LHFPL3: variants seen among roughly 807,000 people sequenced by gnomAD.
LHFPL3 encodes LHFPL tetraspan subfamily member 3, also known as LHFPL tetraspan subfamily member 3 protein.
In LHFPL3, 5 loss-of-function variants were observed where a neutral mutation model predicts 19.3. That is an observed-to-expected ratio of 0.26 (90% CI 0.14 to 0.54). The LOEUF (loss-of-function observed/expected upper bound fraction) is 0.54. Ranked by LOEUF, LHFPL3 falls within the 20% of genes least tolerant of loss-of-function variation. The probability of loss-of-function intolerance (pLI) is 0.94; values close to 1 mark genes in which losing one functional copy is unlikely to be tolerated. For synonymous variants in LHFPL3, 133 were observed against 126.2 expected (o/e 1.05, Z -0.36); for missense variants, 249 against 307.4 (o/e 0.81, Z 1.42).
intron 1 of LHFPL3, among the ~76,000 whole-genome samples, chr7:104,444,763 C>A (rs1340994149): frequency 2.6e-5 from 4 of 152,008 alleles, no homozygotes; most frequent in Admixed American, 6.6e-5. Context: ...CCGAGGCAGG[C>A]AGATCACCTG....
At chr7:104,815,326 A>AT (rs1292645105) in intron 2 of LHFPL3, among the ~76,000 whole-genome samples, 2 of 152,056 alleles carry the variant, frequency 1.3e-5, no homozygotes, top group Admixed American at 6.5e-5. Context: ...GTGAATAGTG[A>AT]TTACCCCCAG....
intron 2 of LHFPL3, among the ~76,000 whole-genome samples, chr7:104,898,776 T>C (rs879884841): frequency 2.6e-5 from 4 of 152,038 alleles, no homozygotes; most frequent in Admixed American, 6.5e-5. Flanking sequence ...GCTGTCATCT[T>C]GACACTACAC....
chr7:104,771,816 CTTTTTTTTTTTTTTT>C (rs71155523), intron 2 of LHFPL3, among the ~76,000 whole-genome samples: 1 of 75,412 alleles, frequency 1.3e-5, no homozygotes, highest in Non-Finnish European at 2.4e-5. Context: ...TTTTGCCTCT[CTTTTTTTTTTTTTTT>C]TTTTTTTTTT....
At chr7:104,367,692 T>A (rs1263633379) in intron 1 of LHFPL3, among the ~76,000 whole-genome samples, 3 of 152,128 alleles carry the variant, frequency 2.0e-5, no homozygotes, top group East Asian at 1.9e-4. Context: ...AGAAAAAAAA[T>A]GTGTGCAGTA....
chr7:104,424,243 A>T (rs995540166), intron 1 of LHFPL3, among the ~76,000 whole-genome samples: 1 of 152,206 alleles, frequency 6.6e-6, no homozygotes, highest in African/African-American at 2.4e-5. Flanking sequence ...TTGTCTCTTG[A>T]TAGGCACTTG....
intron 1 of LHFPL3, among the ~76,000 whole-genome samples, chr7:104,570,187 A>C (rs762960904): frequency 6.6e-6 from 1 of 152,192 alleles, no homozygotes; most frequent in South Asian, 2.1e-4. Context: ...TGCCCAGTCT[A>C]TATTGATTGA....
intron 1 of LHFPL3, among the ~76,000 whole-genome samples, chr7:104,590,439 A>G (rs1343739792): frequency 6.6e-6 from 1 of 152,140 alleles, no homozygotes; most frequent in Admixed American, 6.5e-5. Flanking sequence ...GAGTTTCTTA[A>G]TCCTGAGTTC....
rs372848994 is a variant in LHFPL3, at chr7:104,616,685, T to C, written c.446-119990T>C. Among the ~76,000 whole-genome samples the C allele has an allele frequency of 3.7e-4, 56 of 152,236 alleles. 2 individuals carry two copies. In the South Asian group the frequency reaches 0.012, roughly 32 times the overall value. On this transcript the variant is annotated intron_variant, in intron 1 of 2. Coordinates refer to ENST00000424859, the MANE Select transcript of LHFPL3 (RefSeq NM_199000.3). ...TTCTGCACAGCAAAAGAAACTATCA[T>C]CAGAGTGAACAGGCAACCTACAGAA... is the stretch of plus-strand genomic sequence containing the variant.
chr7:104,722,917 C>A (rs1033699205), intron 1 of LHFPL3, among the ~76,000 whole-genome samples: 20 of 152,156 alleles, frequency 1.3e-4, no homozygotes, highest in African/African-American at 4.8e-4. Flanking sequence ...TAGACTTTCT[C>A]CTTCTGTTAA....
At chr7:104,601,427 T>C (rs981266908) in intron 1 of LHFPL3, among the ~76,000 whole-genome samples, 1 of 152,318 alleles carries the variant, frequency 6.6e-6, no homozygotes, top group Admixed American at 6.5e-5. Flanking sequence ...ATGTTAGGTA[T>C]AGCAGTGAAC....
intron 2 of LHFPL3, among the ~76,000 whole-genome samples, chr7:104,862,249 C>T (rs1268650908): frequency 6.6e-6 from 1 of 152,098 alleles, no homozygotes; most frequent in African/African-American, 2.4e-5. Context: ...AAGTTACAGA[C>T]CAAGGCTAGT....
Position 104,622,768 on chromosome 7 carries a change from G to A in LHFPL3, c.446-113907G>A, listed in dbSNP as rs551299608. 1.1e-4 allele frequency among the ~76,000 whole-genome samples: 17 copies of A among 152,212 alleles called. 1 individual carries two copies. In the South Asian group the frequency reaches 3.1e-3, roughly 28 times the overall value. On this transcript the variant is annotated intron_variant, in intron 1 of 2. Transcript: ENST00000424859. Reference sequence around the variant, plus strand: ...CATAAATGTTACAAATAATGCAAACGTTCATGTACACATTTTTGTGCAGAC... The same window carrying A: ...CATAAATGTTACAAATAATGCAAACATTCATGTACACATTTTTGTGCAGAC...
intron 1 of LHFPL3, among the ~76,000 whole-genome samples, chr7:104,421,108 C>T (rs1377846121): frequency 3.9e-5 from 6 of 152,060 alleles, no homozygotes; most frequent in East Asian, 1.9e-4. Flanking sequence ...AGGATAACTA[C>T]GCAAAAGAGG....
intron 1 of LHFPL3, among the ~76,000 whole-genome samples, chr7:104,683,823 A>G (rs1211344963): frequency 6.6e-6 from 1 of 152,194 alleles, no homozygotes; most frequent in Admixed American, 6.5e-5. Flanking sequence ...ACAATATTTA[A>G]TCTTATTTGC....
chr7:104,472,244 A>AAT (rs1462978944), intron 1 of LHFPL3, among the ~76,000 whole-genome samples: 2 of 151,824 alleles, frequency 1.3e-5, no homozygotes, highest in African/African-American at 2.4e-5. Flanking sequence ...TGAGCAAAAC[A>AAT]ATATATATAT....
intron 1 of LHFPL3, among the ~76,000 whole-genome samples, chr7:104,366,185 A>T (rs1790492752): frequency 6.6e-6 from 1 of 152,264 alleles, no homozygotes; most frequent in African/African-American, 2.4e-5. Flanking sequence ...AGTTTTGGAC[A>T]CTCAGAGAAC....
chr7:104,586,805 A>G (rs774366432), intron 1 of LHFPL3, among the ~76,000 whole-genome samples: 9 of 152,316 alleles, frequency 5.9e-5, no homozygotes, highest in Middle Eastern at 3.4e-3. Flanking sequence ...CAAATGTTTT[A>G]TAAAACCCCT....
chr7:104,883,161 A>G (rs1330117664), intron 2 of LHFPL3, among the ~76,000 whole-genome samples: 6 of 152,228 alleles, frequency 3.9e-5, no homozygotes, highest in South Asian at 4.1e-4. Flanking sequence ...AAACTAAAAG[A>G]GTTTGGAGTT....
intron 1 of LHFPL3, among the ~76,000 whole-genome samples, chr7:104,609,101 C>G (rs745492637): frequency 5.9e-5 from 9 of 151,860 alleles, no homozygotes; most frequent in Admixed American, 5.2e-4. Flanking sequence ...CCTGTATCTA[C>G]TAAAAATAAA....
Sources: gnomAD v4.1 joint callset for allele counts (sites outside exome capture counted in the v4.1 genomes callset) on GRCh38, gnomAD v4.1.1 for gene constraint, MANE v1.5 for transcripts, NCBI Gene and HGNC (gene_info 2026-07-23, HGNC 2026-07-21) for gene names.